Variants in LRRC17 observed in about 807,000 individuals in gnomAD.
The protein encoded by LRRC17 is leucine rich repeat containing 17, also known as leucine-rich repeat-containing protein 17.
LRRC17 carries 33 observed loss-of-function variants against 41.5 expected under a neutral mutation model. The observed-to-expected ratio is 0.80, with a 90% CI of 0.60 to 1.06. The LOEUF is 1.06. Among genes scored for constraint, LRRC17 ranks in the 50% least tolerant of loss-of-function variants. The pLI, the probability that LRRC17 is intolerant of heterozygous loss-of-function variation, is 0.00. For missense variants in LRRC17, 491 were observed against 519.3 expected, an observed-to-expected ratio of 0.95 and a Z score of 0.53; for synonymous variants, 192 against 197.0, an observed-to-expected ratio of 0.97 and a Z score of 0.21.
intron 1 of LRRC17, among the ~76,000 whole-genome samples, chr7:102,921,039 C>G (rs1335820851): frequency 6.6e-6 from 1 of 152,068 alleles, no homozygotes; most frequent in African/African-American, 2.4e-5. Flanking sequence ...GTAATCCCAG[C>G]TACTCGGGAG....
At chr7:102,939,124 T>C (rs6955064) in intron 2 of LRRC17, among the ~76,000 whole-genome samples, 23,533 of 152,194 alleles carry the variant, frequency 0.15, 1,868 homozygotes, top group Middle Eastern at 0.21. Flanking sequence ...AACAGGCTGC[T>C]TTCTAGAACC....
intron 1 of LRRC17, among the ~76,000 whole-genome samples, chr7:102,930,358 C>T (rs1818935914): frequency 6.6e-6 from 1 of 152,068 alleles, no homozygotes; most frequent in Non-Finnish European, 1.5e-5. Context: ...AGCTGACTCT[C>T]CATCATCCTC....
At chr7:102,914,785 C>A (rs2129469326) in intron 1 of LRRC17, among the ~76,000 whole-genome samples, 1 of 152,270 alleles carries the variant, frequency 6.6e-6, no homozygotes, top group East Asian at 1.9e-4. Context: ...TGCTAATATC[C>A]CAAAGACACG....
At chr7:102,942,357 G>A (rs1821629947) in intron 3 of LRRC17, 1 of 1,546,484 alleles carries the variant, frequency 6.5e-7, no homozygotes, top group African/African-American at 1.4e-5. Context: ...GTATACAAAT[G>A]CAGTGGGAGT....
At chr7:102,926,361 C>A in intron 1 of LRRC17, 1 of 1,613,222 alleles carries the variant, frequency 6.2e-7, no homozygotes, top group Non-Finnish European at 8.5e-7. Context: ...AGAAATGTGT[C>A]TCATTGATTC....
At chr7:102,916,462 T>C (rs1815886504) in intron 1 of LRRC17, among the ~76,000 whole-genome samples, 1 of 152,166 alleles carries the variant, frequency 6.6e-6, no homozygotes, top group African/African-American at 2.4e-5. Flanking sequence ...CTTTTCACAG[T>C]GGAACCTCAT....
chr7:102,932,150 T>C (rs188742535), intron 1 of LRRC17, among the ~76,000 whole-genome samples: 7 of 152,328 alleles, frequency 4.6e-5, no homozygotes, highest in African/African-American at 1.4e-4. Flanking sequence ...TTGAGGATTA[T>C]AGGAGTAAGG....
At chr7:102,935,561 C>T (rs1416896060) in intron 2 of LRRC17, among the ~76,000 whole-genome samples, 1 of 152,042 alleles carries the variant, frequency 6.6e-6, no homozygotes, top group African/African-American at 2.4e-5. Flanking sequence ...GTTTTGCAAC[C>T]GATGCAATCT....
intron 1 of LRRC17, among the ~76,000 whole-genome samples, chr7:102,932,737 T>G (rs933015049): frequency 6.6e-6 from 1 of 151,996 alleles, no homozygotes; most frequent in Non-Finnish European, 1.5e-5. Flanking sequence ...CATTCCCAAG[T>G]AGCTGACACT....
intron 1 of LRRC17, among the ~76,000 whole-genome samples, chr7:102,931,104 A>T (rs909325885): frequency 1.3e-5 from 2 of 152,274 alleles, no homozygotes; most frequent in South Asian, 4.1e-4. Flanking sequence ...TGATAATAAG[A>T]CTTAAAGCTT....
At chr7:102,925,940 C>CAAA (rs66682276) in intron 1 of LRRC17, among the ~76,000 whole-genome samples, 1 of 101,024 alleles carries the variant, frequency 9.9e-6, no homozygotes, top group Non-Finnish European at 2.1e-5. Context: ...GACTCTGTCT[C>CAAA]AAAAAAAAAA....
At chr7:102,923,318 G>C (rs1412430470) in intron 1 of LRRC17, among the ~76,000 whole-genome samples, 2 of 152,084 alleles carry the variant, frequency 1.3e-5, no homozygotes, top group African/African-American at 4.8e-5. Context: ...CCGATTTGTA[G>C]TGTTTGATGT....
chr7:102,942,152 A>G, intron 3 of LRRC17: 1 of 569,160 alleles, frequency 1.8e-6, no homozygotes. Flanking sequence ...TTCCTACATT[A>G]ATAAATATTT....
At chr7:102,931,959 T>C (rs1313093789) in intron 1 of LRRC17, 2 of 1,605,798 alleles carry the variant, frequency 1.2e-6, no homozygotes, top group East Asian at 4.5e-5. Context: ...TACACGTCAC[T>C]AAACTACATA....
At chr7:102,914,850 C>T (rs527908802) in intron 1 of LRRC17, among the ~76,000 whole-genome samples, 16 of 152,268 alleles carry the variant, frequency 1.1e-4, no homozygotes, top group African/African-American at 3.1e-4. Context: ...TTTGGAAATG[C>T]GTTATCTTCC....
At chr7:102,936,828 A>C (rs1820408288) in intron 2 of LRRC17, among the ~76,000 whole-genome samples, 1 of 152,224 alleles carries the variant, frequency 6.6e-6, no homozygotes, top group African/African-American at 2.4e-5. Context: ...TTCTAAGAAG[A>C]GATAACATGT....
chr7:102,928,403 T>A (rs1396983875), intron 1 of LRRC17, among the ~76,000 whole-genome samples: 1 of 152,226 alleles, frequency 6.6e-6, no homozygotes. Flanking sequence ...TTTCATAGGA[T>A]AAGCTTAGAA....
At chr7:102,923,014 G>A (rs1584954770) in intron 1 of LRRC17, among the ~76,000 whole-genome samples, 2 of 151,944 alleles carry the variant, frequency 1.3e-5, no homozygotes, top group African/African-American at 4.8e-5. Flanking sequence ...AAAAACAAAA[G>A]AAATTGAAGA....
At chr7:102,940,452 C>T (rs544162323) in intron 3 of LRRC17, among the ~76,000 whole-genome samples, 11 of 152,008 alleles carry the variant, frequency 7.2e-5, no homozygotes, top group Admixed American at 2.6e-4. Flanking sequence ...CCTCATGATC[C>T]GCCCACCTCA....
Sources: gnomAD v4.1 joint callset for allele counts (sites outside exome capture counted in the v4.1 genomes callset) on GRCh38, gnomAD v4.1.1 for gene constraint, MANE v1.5 for transcripts, NCBI Gene and HGNC (gene_info 2026-07-23, HGNC 2026-07-21) for gene names.